PKHD1: variants seen among roughly 807,000 people sequenced by gnomAD.
PKHD1 encodes the protein PKHD1 ciliary IPT domain containing fibrocystin/polyductin, also known as fibrocystin.
A neutral mutation model predicts 412.0 loss-of-function variants in PKHD1; 291 were observed. That is an observed-to-expected ratio of 0.71 (90% CI 0.64 to 0.78). The LOEUF is 0.78. PKHD1 is among the 30% of genes least tolerant of loss of function. The probability of loss-of-function intolerance (pLI) is 0.00; values close to 1 mark genes in which losing one functional copy is unlikely to be tolerated. For missense variants in PKHD1, 4,825 were observed against 4,950.7 expected, an observed-to-expected ratio of 0.97 and a Z score of 0.76; for synonymous variants, 1,777 against 1,821.5, an observed-to-expected ratio of 0.98 and a Z score of 0.62.
At chr6:51,641,359 C>T (rs1769321416) in intron 63 of PKHD1, among the ~76,000 whole-genome samples, 1 of 152,176 alleles carries the variant, frequency 6.6e-6, no homozygotes, top group African/African-American at 2.4e-5. Context: ...AATGGTATCT[C>T]ATCTCACACC....
At chr6:52,043,192 C>A in intron 26 of PKHD1, 58 bp from the exon 27 acceptor site, 1 of 1,339,596 alleles carries the variant, frequency 7.5e-7, no homozygotes, top group Non-Finnish European at 1.0e-6. Context: ...GATATTACTT[C>A]ATTTGAGAGA....
rs530030368 is a variant in PKHD1 at position 51,813,883 on chromosome 6, T to C, written c.8302+16978A>G. On this transcript the variant is annotated intron_variant, in intron 52 of 66. Transcript: ENST00000371117. ...AACAAACCAGCCTTCCCCTTCTCTTTGTTACCTGAAAAACCTAGGCATAAA... is the reference window on the plus strand; with the variant it reads ...AACAAACCAGCCTTCCCCTTCTCTTCGTTACCTGAAAAACCTAGGCATAAA... 1.4e-3 allele frequency among the ~76,000 whole-genome samples: 218 copies of C among 152,340 alleles called. 2 individuals carry two copies. In the South Asian group the frequency reaches 0.024, roughly 17 times the overall value.
At chr6:51,767,084 T>C (rs749466691) in intron 55 of PKHD1, among the ~76,000 whole-genome samples, 19 of 152,122 alleles carry the variant, frequency 1.2e-4, no homozygotes, top group Non-Finnish European at 2.6e-4. Context: ...TTACTAATTA[T>C]TCCAGCCTGT....
At chr6:51,709,482 G>A (rs1223537640) in intron 60 of PKHD1, among the ~76,000 whole-genome samples, 2 of 152,058 alleles carry the variant, frequency 1.3e-5, no homozygotes, top group East Asian at 1.9e-4. Context: ...TAGGATACTC[G>A]GAAAAAGTTC....
intron 55 of PKHD1, among the ~76,000 whole-genome samples, chr6:51,771,715 A>AT (rs1790172570): frequency 6.6e-6 from 1 of 151,982 alleles, no homozygotes; most frequent in South Asian, 2.1e-4. Flanking sequence ...TTATTCTCAA[A>AT]TTTTATTTCT....
At chr6:51,955,963 G>A (rs1439721991) in intron 36 of PKHD1, among the ~76,000 whole-genome samples, 1 of 151,962 alleles carries the variant, frequency 6.6e-6, no homozygotes, top group African/African-American at 2.4e-5. Context: ...AGTTACTGTT[G>A]TTGTTGTTGA....
rs769296822 is a variant in PKHD1, at chr6:51,868,125, CAG to C, written c.7487-18_7487-17del. The C allele has an allele frequency of 3.7e-6, 6 of 1,605,990 alleles. No homozygotes were observed. Among genetic ancestry groups the C allele is most frequent in the Admixed American group, 1.7e-5 (1 of 59,880 alleles). On this transcript the variant is annotated splice_polypyrimidine_tract_variant and intron_variant, in intron 47 of 66. Coordinates refer to ENST00000371117, the MANE Select transcript of PKHD1 (RefSeq NM_138694.4). Reference sequence around the variant, plus strand: ...GTAAATCCACCTATAAATTGGAAAACAGAAAGATTATTACACAATGGCACAAA... The same window carrying C: ...GTAAATCCACCTATAAATTGGAAAACAAAGATTATTACACAATGGCACAAA...
At chr6:51,842,983 A>G (rs1046986537) in intron 50 of PKHD1, among the ~76,000 whole-genome samples, 2 of 152,194 alleles carry the variant, frequency 1.3e-5, no homozygotes, top group African/African-American at 4.8e-5. Context: ...TCTCCCTTTG[A>G]AGTGGAGCTG....
chr6:51,889,620 G>T (rs1583214344), intron 43 of PKHD1, among the ~76,000 whole-genome samples: 1 of 152,252 alleles, frequency 6.6e-6, no homozygotes, highest in East Asian at 1.9e-4. Context: ...TAGATATTTT[G>T]ATTTATTAGG....
At chr6:51,667,805 C>A (rs1343380638) in intron 60 of PKHD1, among the ~76,000 whole-genome samples, 1 of 150,658 alleles carries the variant, frequency 6.6e-6, no homozygotes, top group Non-Finnish European at 1.5e-5. Context: ...AATAGGGAAT[C>A]CTTTCCCCAT....
rs143665213 is a variant in PKHD1 at position 51,820,461 on chromosome 6, C to T, written c.8302+10400G>A. Among the ~76,000 whole-genome samples the T allele has an allele frequency of 9.9e-5, 15 of 152,266 alleles. No homozygotes were observed. In the East Asian group the frequency reaches 1.2e-3, roughly 12 times the overall value. The stretch of plus-strand genomic sequence containing the variant: ...TTCTGCAATAATGACATTGAAACTA[C>T]GATACCTATTAGAACCAGTGCTAGG... On this transcript the variant is annotated intron_variant, in intron 52 of 66. Transcript: ENST00000371117.
chr6:51,643,962 A>G (rs1332392412), intron 63 of PKHD1, among the ~76,000 whole-genome samples: 1 of 152,148 alleles, frequency 6.6e-6, no homozygotes, highest in Non-Finnish European at 1.5e-5. Context: ...AAAAAAAATA[A>G]CAGGTCAAAA....
intron 55 of PKHD1, among the ~76,000 whole-genome samples, chr6:51,767,946 G>T (rs1035741912): frequency 6.6e-6 from 1 of 152,072 alleles, no homozygotes; most frequent in Non-Finnish European, 1.5e-5. Context: ...GTGTAAAAGT[G>T]TTCCTATTTC....
intron 29 of PKHD1, among the ~76,000 whole-genome samples, chr6:52,030,493 A>C (rs1802880875): frequency 1.3e-5 from 2 of 152,180 alleles, no homozygotes; most frequent in South Asian, 2.1e-4. Context: ...TAGTGAGTTC[A>C]AGGGATTTCA....
chr6:51,999,571 T>A (rs1301107076), intron 35 of PKHD1, among the ~76,000 whole-genome samples: 1 of 152,176 alleles, frequency 6.6e-6, no homozygotes, highest in African/African-American at 2.4e-5. Flanking sequence ...AAGAGCAGAC[T>A]TCAGTGCTGT....
chr6:52,078,675 C>A (rs745916694), intron 5 of PKHD1, among the ~76,000 whole-genome samples: 2 of 152,112 alleles, frequency 1.3e-5, no homozygotes, highest in Non-Finnish European at 2.9e-5. Flanking sequence ...TTTTAGGAAA[C>A]GTTTCTCTTA....
intron 35 of PKHD1, among the ~76,000 whole-genome samples, chr6:52,007,686 G>A (rs560129396): frequency 6.6e-6 from 1 of 152,250 alleles, no homozygotes; most frequent in East Asian, 1.9e-4. Flanking sequence ...TTAGTTATAA[G>A]CCCTCCACCT....
At chr6:52,085,718 C>T (rs935823885) in intron 1 of PKHD1, among the ~76,000 whole-genome samples, 1 of 152,070 alleles carries the variant, frequency 6.6e-6, no homozygotes, top group Non-Finnish European at 1.5e-5. Flanking sequence ...AACCAGTCTT[C>T]TATTTCCACA....
At chr6:51,734,750 A>G (rs557283757) in intron 60 of PKHD1, among the ~76,000 whole-genome samples, 1 of 152,166 alleles carries the variant, frequency 6.6e-6, no homozygotes, top group Non-Finnish European at 1.5e-5. Context: ...CAGAAGTTTC[A>G]CTTGATTTTG....
Sources: allele counts gnomAD v4.1 joint callset (sites outside exome capture counted in the v4.1 genomes callset), GRCh38; gene constraint gnomAD v4.1.1; transcripts MANE v1.5; gene names NCBI Gene and HGNC (gene_info 2026-07-23, HGNC 2026-07-21).